The following RFC1 variants were observed in gnomAD, a reference collection of about 807,000 sequenced individuals.
The protein encoded by RFC1 is replication factor C subunit 1, also known as A1 140 kDa subunit.
In RFC1, 37 loss-of-function variants were observed where a neutral mutation model predicts 137.4. That is an observed-to-expected ratio of 0.27 (90% CI 0.21 to 0.35). RFC1 has a LOEUF of 0.35. Among genes scored for constraint, RFC1 ranks in the 10% least tolerant of loss-of-function variants. The pLI is 1.00. For missense variants in RFC1, 1,205 were observed against 1,358.5 expected (o/e 0.89, Z 1.78); for synonymous variants, 429 against 455.7 (o/e 0.94, Z 0.75).
At chr4:39,328,903 G>C (rs1311027524) in intron 4 of RFC1, among the ~76,000 whole-genome samples, 1 of 152,000 alleles carries the variant, frequency 6.6e-6, no homozygotes, top group African/African-American at 2.4e-5. Context: ...GAGGTAGTAA[G>C]TTGTCAGGTT....
chr4:39,329,585 A>G (rs1002518056), intron 4 of RFC1, among the ~76,000 whole-genome samples: 3 of 151,842 alleles, frequency 2.0e-5, no homozygotes, highest in African/African-American at 7.3e-5. Flanking sequence ...AGAAAAAGAA[A>G]AATTAAGCTG....
intron 22 of RFC1, among the ~76,000 whole-genome samples, chr4:39,294,831 C>G (rs1397191979): frequency 6.6e-6 from 1 of 152,158 alleles, no homozygotes; most frequent in Non-Finnish European, 1.5e-5. Context: ...GATGAAACCC[C>G]ATATCTACCA....
intron 15 of RFC1, 148 bp from the exon 16 acceptor site, chr4:39,303,299 A>G: frequency 1.1e-5 from 2 of 177,008 alleles, no homozygotes; most frequent in Non-Finnish European, 1.1e-5. Context: ...GTTGTTAAAG[A>G]AAAAAAAAAA....
intron 8 of RFC1, among the ~76,000 whole-genome samples, chr4:39,320,973 A>G (rs1233668294): frequency 1.3e-5 from 2 of 152,242 alleles, no homozygotes; most frequent in Non-Finnish European, 2.9e-5. Context: ...TACCTCTGAC[A>G]TGAAAAGCTC....
intron 4 of RFC1, 64 bp from the exon 5 acceptor site, chr4:39,327,820 T>C (rs989057547): frequency 1.1e-5 from 13 of 1,197,448 alleles, no homozygotes; most frequent in Admixed American, 2.7e-5. Flanking sequence ...AAGAAAACAC[T>C]TCTACCAACT....
At chr4:39,315,992 A>C (rs1739221727) in intron 10 of RFC1, among the ~76,000 whole-genome samples, 1 of 152,226 alleles carries the variant, frequency 6.6e-6, no homozygotes, top group African/African-American at 2.4e-5. Context: ...GCACTTTGGA[A>C]GGCCAAGGCA....
At chr4:39,339,455 T>C (rs899445473) in intron 4 of RFC1, among the ~76,000 whole-genome samples, 4 of 152,212 alleles carry the variant, frequency 2.6e-5, no homozygotes, top group African/African-American at 9.7e-5. Flanking sequence ...TGAGGTGTTA[T>C]CGCACACTGG....
chr4:39,299,536 C>T (rs745980665), intron 21 of RFC1, among the ~76,000 whole-genome samples: 1 of 150,312 alleles, frequency 6.7e-6, no homozygotes, highest in Non-Finnish European at 1.5e-5. Context: ...TGGCATGAAC[C>T]CAGGAGGCGG....
At chr4:39,300,449 C>G in intron 19 of RFC1, 35 bp from the exon 20 acceptor site, 1 of 1,543,134 alleles carries the variant, frequency 6.5e-7, no homozygotes, top group South Asian at 1.1e-5. Context: ...ATTAGAATGG[C>G]CAAAATTCAA....
At chr4:39,355,264 T>TAAA (rs920133748) in intron 1 of RFC1, among the ~76,000 whole-genome samples, 2 of 137,560 alleles carry the variant, frequency 1.5e-5, no homozygotes, top group East Asian at 4.2e-4. Flanking sequence ...TCTCTACAAA[T>TAAA]AAAAAAAAAA....
At chr4:39,310,462 C>T (rs922987775) in intron 12 of RFC1, among the ~76,000 whole-genome samples, 1 of 152,134 alleles carries the variant, frequency 6.6e-6, no homozygotes, top group Non-Finnish European at 1.5e-5. Context: ...CCGGAATAAC[C>T]TGGATGGACC....
intron 1 of RFC1, among the ~76,000 whole-genome samples, chr4:39,361,599 C>G (rs1741761181): frequency 6.6e-6 from 1 of 152,044 alleles, no homozygotes. Flanking sequence ...AAGAAGTAAA[C>G]CCATGTGTTT....
intron 22 of RFC1, among the ~76,000 whole-genome samples, chr4:39,294,287 A>G (rs62308328): frequency 6.6e-6 from 1 of 152,246 alleles, no homozygotes; most frequent in South Asian, 2.1e-4. Flanking sequence ...AGCTCTAACC[A>G]AAACTTAAAA....
In RFC1 at chr4:39,300,042, G is replaced by T; in HGVS notation, c.2787C>A (p.Asn929Lys). The T allele has an allele frequency of 6.2e-7, 1 of 1,613,448 alleles. No homozygotes were observed. Among genetic ancestry groups the T allele is most frequent in the Non-Finnish European group, 8.5e-7 (1 of 1,179,308 alleles). ...LVDSQIRSKQ[N>K]WSLLPAQAIY... ...TCACCTGCGCAGGCAGAAGACTCCA[G>T]TTTTGCTTACTCCGGATCTGGCTGT... The change falls in exon 21 of 25, where the codon AAC becomes AAA. Residue 929 changes from asparagine (N) to lysine (K), a missense_variant. Asn to Lys is a moderately conservative substitution (Grantham distance 94). Transcript: ENST00000349703.
intron 1 of RFC1, among the ~76,000 whole-genome samples, chr4:39,359,632 C>G (rs1741649707): frequency 6.6e-6 from 1 of 151,962 alleles, no homozygotes. Context: ...ACCATCATGG[C>G]TAACACGGTG....
chr4:39,309,548 A>G (rs1738862318), intron 12 of RFC1, among the ~76,000 whole-genome samples: 1 of 152,222 alleles, frequency 6.6e-6, no homozygotes, highest in South Asian at 2.1e-4. Context: ...TGAAACCACT[A>G]TGCTAAGTGG....
intron 22 of RFC1, among the ~76,000 whole-genome samples, chr4:39,293,844 G>C (rs1016891368): frequency 1.3e-5 from 2 of 152,192 alleles, no homozygotes; most frequent in African/African-American, 4.8e-5. Flanking sequence ...CAGGTAAGGA[G>C]CAGGAAAACA....
intron 2 of RFC1, among the ~76,000 whole-genome samples, chr4:39,348,424 A>AAAAAG (rs201554512): frequency 0.043 from 3,110 of 71,778 alleles, 406 homozygotes; most frequent in Middle Eastern, 0.071. Context: ...CTCTGTTTCA[A>AAAAAG]AAAAGAAAAG....
intron 4 of RFC1, among the ~76,000 whole-genome samples, chr4:39,336,949 A>C (rs184880906): frequency 1.1e-3 from 168 of 152,382 alleles, no homozygotes; most frequent in African/African-American, 3.4e-3. Flanking sequence ...CACAAAGATA[A>C]ATCTATCAAA....
Sources: allele counts gnomAD v4.1 joint callset (sites outside exome capture counted in the v4.1 genomes callset), GRCh38; gene constraint gnomAD v4.1.1; transcripts MANE v1.5; gene names NCBI Gene and HGNC (gene_info 2026-07-23, HGNC 2026-07-21).